RAB28: variants seen among roughly 807,000 people sequenced by gnomAD.
RAB28 encodes RAB28, member RAS oncogene family, also known as ras-related protein Rab-28.
In RAB28, 24 loss-of-function variants were observed where a neutral mutation model predicts 31.7. The ratio of observed to expected loss-of-function variants is 0.76; its 90% CI spans 0.55 to 1.06. The LOEUF (loss-of-function observed/expected upper bound fraction) is 1.06, where lower values mean the gene tolerates loss of function less well. Among genes scored for constraint, RAB28 ranks in the 50% least tolerant of loss-of-function variants. RAB28 has a pLI of 0.00. For missense variants in RAB28, 254 were observed against 258.5 expected, an observed-to-expected ratio of 0.98 and a Z score of 0.12; for synonymous variants, 100 against 90.4, an observed-to-expected ratio of 1.11 and a Z score of -0.60.
chr4:13,379,080 G>T (rs922641007), intron 5 of RAB28, among the ~76,000 whole-genome samples: 1 of 151,324 alleles, frequency 6.6e-6, no homozygotes, highest in Non-Finnish European at 1.5e-5. Flanking sequence ...GGTGGTGGGT[G>T]CCTGTAATCC....
chr4:13,394,347 AG>A (rs1473627444), intron 4 of RAB28, among the ~76,000 whole-genome samples: 26 of 152,168 alleles, frequency 1.7e-4, no homozygotes, highest in African/African-American at 6.0e-4. Context: ...GATTTTCATA[AG>A]GAACACACAA....
intron 3 of RAB28, among the ~76,000 whole-genome samples, chr4:13,465,623 C>T (rs1306837060): frequency 1.3e-5 from 2 of 151,740 alleles, no homozygotes; most frequent in African/African-American, 4.8e-5. Context: ...TCATTGTCAG[C>T]AAACCTGCTC....
chr4:13,399,825 T>C (rs967103875), intron 4 of RAB28, among the ~76,000 whole-genome samples: 12 of 152,196 alleles, frequency 7.9e-5, no homozygotes, highest in Non-Finnish European at 1.3e-4. Context: ...ACACACCTTC[T>C]CCCAGTTTGT....
intron 1 of RAB28, 106 bp downstream of exon 1, chr4:13,483,970 A>T (rs1463592613): frequency 4.5e-6 from 5 of 1,107,568 alleles, no homozygotes; most frequent in African/African-American, 3.1e-5. Flanking sequence ...CGGGCCTAGA[A>T]GCCCGAGGGC....
At chr4:13,432,979 AT>A (rs797008877) in intron 4 of RAB28, among the ~76,000 whole-genome samples, 4 of 151,512 alleles carry the variant, frequency 2.6e-5, no homozygotes, top group African/African-American at 9.7e-5. Flanking sequence ...GGCAAATTGA[AT>A]TTAAAAAAAA....
Position 13,370,183 on chromosome 4 carries a change from A to G in RAB28, c.574-1533T>C, listed in dbSNP as rs145475966. The stretch of plus-strand genomic sequence containing the variant: ...AAGAAAAGGAAAGGAACAAAGACCC[A>G]AGAAACATTATTCTTTGTAATTCTA... On this transcript the variant is annotated intron_variant, in intron 6 of 6. Coordinates refer to ENST00000330852, the MANE Select transcript of RAB28 (RefSeq NM_001017979.3). The G allele has an allele frequency of 1.2e-3, 1,180 of 980,734 alleles. 1 individual carries two copies. Among genetic ancestry groups the G allele is most frequent in the South Asian group, 4.1e-3 (86 of 21,194 alleles). 60.8% of individuals were successfully genotyped at this position (980,734 alleles called of 1,614,324 possible).
intron 4 of RAB28, among the ~76,000 whole-genome samples, chr4:13,435,017 C>CA (rs991889676): frequency 0.08 from 3,694 of 46,410 alleles, 122 homozygotes; most frequent in African/African-American, 0.12. Flanking sequence ...GACTCCGTCT[C>CA]AAAAAAAAAA....
At position 13,438,409 on chromosome 4, in the gene RAB28, T is replaced by C. The variant is rs149499846; in HGVS notation, c.391+22290A>G. Among the ~76,000 whole-genome samples the C allele has an allele frequency of 4.7e-4, 72 of 152,214 alleles. No homozygotes were observed. The East Asian group carries it at 9.7e-3, about 20-fold the overall frequency. On this transcript the variant is annotated intron_variant, in intron 4 of 6. Coordinates refer to ENST00000330852, the MANE Select transcript of RAB28 (RefSeq NM_001017979.3). The stretch of plus-strand genomic sequence containing the variant: ...TCACACCAAAAGTAAACCCTACACA[T>C]ATTAGTAGTCATTACCTTTCCCTCC...
intron 4 of RAB28, among the ~76,000 whole-genome samples, chr4:13,390,927 T>C (rs560336693): frequency 6.6e-6 from 1 of 152,280 alleles, no homozygotes; most frequent in South Asian, 2.1e-4. Context: ...AAGACTTAAA[T>C]GTTAGACCTA....
chr4:13,370,877 T>C, intron 6 of RAB28: 3 of 956,602 alleles, frequency 3.1e-6, no homozygotes, highest in Non-Finnish European at 3.7e-6. Flanking sequence ...TACCTTGTTA[T>C]ATTCTTAATT....
chr4:13,470,724 C>T (rs768693411), intron 3 of RAB28, among the ~76,000 whole-genome samples: 3 of 152,078 alleles, frequency 2.0e-5, no homozygotes, highest in Non-Finnish European at 4.4e-5. Context: ...TCCCCTATAA[C>T]ATCTTTCTAA....
At chr4:13,446,647 T>TA (rs1406394689) in intron 4 of RAB28, among the ~76,000 whole-genome samples, 6 of 152,136 alleles carry the variant, frequency 3.9e-5, no homozygotes, top group Admixed American at 3.3e-4. Context: ...CGATGCCCTA[T>TA]CCTGCTTCTG....
At chr4:13,383,866 C>T (rs28709591) in intron 4 of RAB28, among the ~76,000 whole-genome samples, 7,071 of 152,232 alleles carry the variant, frequency 0.046, 313 homozygotes, top group African/African-American at 0.12. Flanking sequence ...CAGGGCAGTC[C>T]TGCCTATCAC....
chr4:13,413,407 T>G (rs1040556634), intron 4 of RAB28, among the ~76,000 whole-genome samples: 14 of 152,250 alleles, frequency 9.2e-5, no homozygotes, highest in Admixed American at 7.2e-4. Context: ...GCCAGTATGT[T>G]ATTTAAACTT....
chr4:13,482,247 T>A (rs894055049), intron 1 of RAB28, among the ~76,000 whole-genome samples: 1 of 152,080 alleles, frequency 6.6e-6, no homozygotes, highest in African/African-American at 2.4e-5. Context: ...TTATTCACAC[T>A]AAATTAGCAA....
At chr4:13,373,373 G>A (rs924491404) in intron 6 of RAB28, among the ~76,000 whole-genome samples, 3 of 152,130 alleles carry the variant, frequency 2.0e-5, no homozygotes, top group Non-Finnish European at 4.4e-5. Context: ...TGGAGAAGGG[G>A]AAGACTACAT....
At chr4:13,455,760 T>C (rs1288280771) in intron 4 of RAB28, among the ~76,000 whole-genome samples, 1 of 152,192 alleles carries the variant, frequency 6.6e-6, no homozygotes. Context: ...TGTAGATGTT[T>C]GTGGTGGCAA....
At chr4:13,390,717 A>G (rs1479073460) in intron 4 of RAB28, among the ~76,000 whole-genome samples, 1 of 152,198 alleles carries the variant, frequency 6.6e-6, no homozygotes, top group South Asian at 2.1e-4. Context: ...AGATAGATCA[A>G]TGGAACAGAA....
chr4:13,417,865 G>A (rs565668703), intron 4 of RAB28, among the ~76,000 whole-genome samples: 6 of 152,232 alleles, frequency 3.9e-5, no homozygotes, highest in Non-Finnish European at 8.8e-5. Context: ...GCAGCTCCTC[G>A]CCAGCAACGG....
Sources: gnomAD v4.1 joint callset for allele counts (sites outside exome capture counted in the v4.1 genomes callset) on GRCh38, gnomAD v4.1.1 for gene constraint, MANE v1.5 for transcripts, NCBI Gene and HGNC (gene_info 2026-07-23, HGNC 2026-07-21) for gene names.